LMX1A: variants seen among roughly 807,000 people sequenced by gnomAD.
LMX1A encodes LIM homeobox transcription factor 1-alpha.
LMX1A carries 15 observed loss-of-function variants against 49.1 expected under a neutral mutation model. The observed-to-expected ratio is 0.31, with a 90% CI of 0.20 to 0.47. LMX1A has a LOEUF of 0.47. Ranked by LOEUF, LMX1A falls within the 20% of genes least tolerant of loss-of-function variation. The pLI, the probability that LMX1A is intolerant of heterozygous loss-of-function variation, is 1.00. For missense variants in LMX1A, 372 were observed against 475.8 expected (o/e 0.78, Z 2.03); for synonymous variants, 167 against 185.7 (o/e 0.90, Z 0.82).
At chr1:165,241,720 A>G (rs1652662242) in intron 4 of LMX1A, among the ~76,000 whole-genome samples, 1 of 152,246 alleles carries the variant, frequency 6.6e-6, no homozygotes, top group African/African-American at 2.4e-5. Flanking sequence ...AGAATTTGTG[A>G]GTTAACTGCT....
At chr1:165,336,382 C>T (rs1655899372) in intron 3 of LMX1A, among the ~76,000 whole-genome samples, 1 of 152,106 alleles carries the variant, frequency 6.6e-6, no homozygotes, top group Non-Finnish European at 1.5e-5. Flanking sequence ...ATCTAGGGAC[C>T]CTCTTCCCCA....
At chr1:165,241,250 G>A (rs1652644581) in intron 4 of LMX1A, among the ~76,000 whole-genome samples, 1 of 152,154 alleles carries the variant, frequency 6.6e-6, no homozygotes, top group African/African-American at 2.4e-5. Context: ...CTATCCATAA[G>A]TGCCTAAAAC....
intron 3 of LMX1A, among the ~76,000 whole-genome samples, chr1:165,318,152 T>A (rs1055094644): frequency 6.6e-6 from 1 of 152,224 alleles, no homozygotes; most frequent in African/African-American, 2.4e-5. Context: ...CCATGCTACC[T>A]TTTTTGGTAT....
intron 7 of LMX1A, among the ~76,000 whole-genome samples, chr1:165,206,700 C>T (rs1312834701): frequency 6.6e-6 from 1 of 152,008 alleles, no homozygotes; most frequent in African/African-American, 2.4e-5. Context: ...AGGGCCCTAC[C>T]CTAGGGATGC....
At chr1:165,290,697 A>C (rs1001832682) in intron 3 of LMX1A, among the ~76,000 whole-genome samples, 2 of 152,342 alleles carry the variant, frequency 1.3e-5, no homozygotes, top group East Asian at 3.8e-4. Context: ...ACTCCCAAGG[A>C]ATGAAAGATT....
chr1:165,215,271 G>A (rs1333811458), intron 4 of LMX1A, among the ~76,000 whole-genome samples: 3 of 152,106 alleles, frequency 2.0e-5, no homozygotes, highest in African/African-American at 7.2e-5. Context: ...CCGAGATCAC[G>A]CCACTGTACT....
chr1:165,254,740 T>C (rs905306714), intron 3 of LMX1A, among the ~76,000 whole-genome samples: 1 of 152,194 alleles, frequency 6.6e-6, no homozygotes, highest in African/African-American at 2.4e-5. Flanking sequence ...CCATGGTTAC[T>C]TCCCCCACTG....
chr1:165,272,546 C>A (rs1040684476), intron 3 of LMX1A, among the ~76,000 whole-genome samples: 3 of 151,860 alleles, frequency 2.0e-5, no homozygotes, highest in Non-Finnish European at 2.9e-5. Context: ...GAGTGTGCAC[C>A]CCTCTATCAA....
intron 3 of LMX1A, among the ~76,000 whole-genome samples, chr1:165,284,841 A>G (rs561128390): frequency 3.3e-5 from 5 of 152,228 alleles, no homozygotes; most frequent in African/African-American, 4.8e-5. Context: ...GGAAGAGCAC[A>G]TGGAGAGATG....
intron 3 of LMX1A, among the ~76,000 whole-genome samples, chr1:165,334,166 G>A (rs1366457304): frequency 1.3e-5 from 2 of 152,158 alleles, no homozygotes; most frequent in Non-Finnish European, 2.9e-5. Context: ...GTTAGTATGA[G>A]TCATTTACTT....
intron 3 of LMX1A, among the ~76,000 whole-genome samples, chr1:165,344,773 G>C (rs780930563): frequency 1.6e-4 from 24 of 152,208 alleles, no homozygotes; most frequent in Non-Finnish European, 4.4e-5. Context: ...CCAGTGACTG[G>C]ATAGGACCCA....
intron 3 of LMX1A, among the ~76,000 whole-genome samples, chr1:165,260,696 T>C (rs182853950): frequency 9.9e-5 from 15 of 152,262 alleles, no homozygotes; most frequent in Admixed American, 2.0e-4. Context: ...ACAGCTATGA[T>C]GATCATCCTC....
chr1:165,232,115 C>A lies in LMX1A; in HGVS notation c.496+17293G>T, dbSNP rs190925340. 2.4e-4 allele frequency among the ~76,000 whole-genome samples: 36 copies of A among 152,308 alleles called. No individual in the cohort carries two copies. In the East Asian group the frequency reaches 6.9e-3, roughly 29 times the overall value. On this transcript the variant is annotated intron_variant, in intron 4 of 8. Coordinates refer to ENST00000342310, the MANE Select transcript of LMX1A (RefSeq NM_177398.4). The stretch of plus-strand genomic sequence containing the variant: ...CGGGTTGGAGATTAGCTCTGTGAAA[C>A]CAGCCTCAAGGTCCACAGAGCAGGG...
intron 3 of LMX1A, among the ~76,000 whole-genome samples, chr1:165,337,920 A>G (rs1655952048): frequency 1.6e-5 from 1 of 61,150 alleles, no homozygotes; most frequent in African/African-American, 8.6e-5. Flanking sequence ...CTACCCCAGA[A>G]ACGGCAACTC....
chr1:165,313,471 C>CTTTTTTTTTTTTTTTTTTTTTTTT (rs34912339), intron 3 of LMX1A, among the ~76,000 whole-genome samples: 2 of 114,848 alleles, frequency 1.7e-5, no homozygotes. Context: ...CACCTTCTTC[C>CTTTTTTTTTTTTTTTTTTTTTTTT]TTTTTTTTTT....
chr1:165,266,702 C>T lies in LMX1A; in HGVS notation c.264-17062G>A, dbSNP rs12068424. Among the ~76,000 whole-genome samples, 98 of 145,524 alleles carry T rather than the reference C, an allele frequency of 6.7e-4. 2 individuals are homozygous for T. The East Asian group carries it at 0.016, about 24-fold the overall frequency. ...CTGCCAGCTCCGCCTCCCGGGTTCA[C>T]GCCATTCTCCTGCCTCAGCCTCCTG... On this transcript the variant is annotated intron_variant, in intron 3 of 8. Transcript: ENST00000342310.
intron 3 of LMX1A, among the ~76,000 whole-genome samples, chr1:165,337,856 G>C (rs1024313514): frequency 7.6e-5 from 11 of 144,796 alleles, no homozygotes; most frequent in Non-Finnish European, 1.4e-4. Flanking sequence ...CTAGTGGACA[G>C]AGTGTGTCTG....
chr1:165,351,463 A>G (rs527365656), intron 3 of LMX1A, among the ~76,000 whole-genome samples: 1 of 152,376 alleles, frequency 6.6e-6, no homozygotes, highest in Non-Finnish European at 1.5e-5. Context: ...GTCAATAAAC[A>G]GACAACCAAG....
At chr1:165,226,552 C>A (rs150338604) in intron 4 of LMX1A, among the ~76,000 whole-genome samples, 1 of 152,230 alleles carries the variant, frequency 6.6e-6, no homozygotes, top group East Asian at 1.9e-4. Flanking sequence ...TAGGGAAGCA[C>A]GGCAAACAAG....
Sources: gnomAD v4.1 joint callset for allele counts (sites outside exome capture counted in the v4.1 genomes callset) on GRCh38, gnomAD v4.1.1 for gene constraint, MANE v1.5 for transcripts, NCBI Gene and HGNC (gene_info 2026-07-23, HGNC 2026-07-21) for gene names.